The following SEM1 variants were observed in gnomAD, a reference collection of about 807,000 sequenced individuals.
The protein encoded by SEM1 is 26S proteasome complex subunit SEM1.
SEM1 carries 3 observed loss-of-function variants against 12.7 expected under a neutral mutation model. The ratio of observed to expected loss-of-function variants is 0.24; its 90% CI spans 0.11 to 0.61. The LOEUF (loss-of-function observed/expected upper bound fraction) is 0.61, where lower values mean the gene tolerates loss of function less well. Among genes scored for constraint, SEM1 ranks in the 20% least tolerant of loss-of-function variants. The pLI, the probability that SEM1 is intolerant of heterozygous loss-of-function variation, is 0.88. For missense variants in SEM1, 59 were observed against 81.3 expected, an observed-to-expected ratio of 0.73 and a Z score of 1.06; for synonymous variants, 30 against 27.8, an observed-to-expected ratio of 1.08 and a Z score of -0.25.
Position 96,650,380 on chromosome 7 carries a change from C to G in SEM1, c.171-27737G>C, listed in dbSNP as rs1165794990. On this transcript the variant is annotated intron_variant, in intron 2 of 2. Transcript: ENST00000417009. ...ACAGGATTTCATCTCTGAAAGGGAACAGGTTCCAGCCTCCTGGGCATGTTC... is the reference window on the plus strand; with the variant it reads ...ACAGGATTTCATCTCTGAAAGGGAAGAGGTTCCAGCCTCCTGGGCATGTTC... 6 of 617,852 alleles carry G rather than the reference C, an allele frequency of 9.7e-6. No individual in the cohort carries two copies. In the East Asian group the frequency reaches 1.7e-4, roughly 18 times the overall value. The allele number at this position is 617,852 out of a possible 1,614,324, so 38.3% of individuals were successfully genotyped here. A position where few individuals can be genotyped will look rare whatever the true frequency, so the allele number is the denominator to read the frequency against.
intron 1 of SEM1, among the ~76,000 whole-genome samples, chr7:96,709,318 C>T (rs1327420354): frequency 2.0e-5 from 3 of 152,128 alleles, no homozygotes; most frequent in Non-Finnish European, 4.4e-5. Context: ...GGTTTAAAGA[C>T]AAAGAAAGAC....
chr7:96,510,109 C>T (rs1274667405), intron 2 of SEM1, among the ~76,000 whole-genome samples: 1 of 152,116 alleles, frequency 6.6e-6, no homozygotes, highest in African/African-American at 2.4e-5. Context: ...TTATCAATCA[C>T]TTTAAATTCA....
chr7:96,622,582 A>C (rs757263557), exon 3 of SEM1: 1 of 764,412 alleles, frequency 1.3e-6, no homozygotes, highest in South Asian at 1.3e-5. Flanking sequence ...GATCAATGTG[A>C]AGCCTGACTC....
chr7:96,598,682 A>C, intron 2 of SEM1, among the ~76,000 whole-genome samples: 1 of 152,188 alleles, frequency 6.6e-6, no homozygotes, highest in Non-Finnish European at 1.5e-5. Context: ...TGGGCTTTCA[A>C]GTTCTAATTG....
At chr7:96,606,961 G>T (rs1034264831) in intron 2 of SEM1, among the ~76,000 whole-genome samples, 9 of 152,100 alleles carry the variant, frequency 5.9e-5, no homozygotes, top group African/African-American at 2.2e-4. Context: ...ATTCTAGCAG[G>T]CATTTTCTTT....
intron 2 of SEM1, among the ~76,000 whole-genome samples, chr7:96,592,593 T>C (rs1474526371): frequency 6.6e-6 from 1 of 151,478 alleles, no homozygotes; most frequent in African/African-American, 2.4e-5. Flanking sequence ...CTGTCTTCCG[T>C]TGGAGAACGG....
exon 4 of SEM1, chr7:96,483,059 G>C (rs1469996421): frequency 6.6e-6 from 1 of 152,124 alleles, no homozygotes; most frequent in African/African-American, 2.4e-5. Context: ...GCATGGCTTT[G>C]TCCATTTCCT....
intron 3 of SEM1, among the ~76,000 whole-genome samples, chr7:96,504,027 AGTT>A (rs541226033): frequency 4.6e-5 from 7 of 152,116 alleles, no homozygotes; most frequent in Non-Finnish European, 8.8e-5. Context: ...TGCAGGTAGT[AGTT>A]CTTAAAAGTT....
chr7:96,582,595 C>T (rs947890022), intron 2 of SEM1, among the ~76,000 whole-genome samples: 1 of 152,188 alleles, frequency 6.6e-6, no homozygotes, highest in Non-Finnish European at 1.5e-5. Flanking sequence ...GTGAATCTGT[C>T]TGGTCCTAGA....
intron 2 of SEM1, among the ~76,000 whole-genome samples, chr7:96,567,304 T>C (rs1382652031): frequency 1.3e-5 from 2 of 151,466 alleles, no homozygotes; most frequent in African/African-American, 4.8e-5. Context: ...CGTATTACAT[T>C]TTATCATTTT....
intron 2 of SEM1, among the ~76,000 whole-genome samples, chr7:96,674,324 T>C (rs952264953): frequency 1.3e-5 from 2 of 152,024 alleles, no homozygotes; most frequent in Non-Finnish European, 2.9e-5. Context: ...GCAGTGTTTA[T>C]ACATATATTT....
At chr7:96,556,546 CT>C (rs1308967031) in intron 2 of SEM1, among the ~76,000 whole-genome samples, 8 of 152,174 alleles carry the variant, frequency 5.3e-5, no homozygotes, top group African/African-American at 1.7e-4. Flanking sequence ...TCTAGGGTTT[CT>C]GCCGAGAAAT....
intron 1 of SEM1, among the ~76,000 whole-genome samples, chr7:96,495,849 G>C (rs1307142599): frequency 6.6e-6 from 1 of 152,108 alleles, no homozygotes; most frequent in Non-Finnish European, 1.5e-5. Flanking sequence ...GCACCAGGCA[G>C]AGGTTTCATT....
rs1200357373 is a variant in SEM1, at chr7:96,583,178, T to C, written c.171-76480A>G. Reference sequence around the variant, plus strand: ...GAGATTCTGGTATGTTGTGTCTTTGTTCTCGTTGGTTTCAAAGAACATCTT... The same window carrying C: ...GAGATTCTGGTATGTTGTGTCTTTGCTCTCGTTGGTTTCAAAGAACATCTT... On this transcript the variant is annotated intron_variant and NMD_transcript_variant, in intron 2 of 3. Coordinates refer to the SEM1 transcript ENST00000466986. 2.6e-5 allele frequency among the ~76,000 whole-genome samples: 4 copies of C among 150,996 alleles called. No individual in the cohort carries two copies. The East Asian group carries it at 7.7e-4, about 29-fold the overall frequency.
chr7:96,629,128 A>G (rs893913816), intron 2 of SEM1, among the ~76,000 whole-genome samples: 1 of 152,046 alleles, frequency 6.6e-6, no homozygotes, highest in Admixed American at 6.6e-5. Flanking sequence ...CAGTCTTTTG[A>G]GTTAAATCTG....
intron 2 of SEM1, among the ~76,000 whole-genome samples, chr7:96,558,585 G>A (rs1289361508): frequency 6.6e-6 from 1 of 152,170 alleles, no homozygotes; most frequent in African/African-American, 2.4e-5. Flanking sequence ...GTTTCTTAAA[G>A]AGCTGTCTAC....
chr7:96,605,742 A>G (rs1807332249), intron 2 of SEM1, among the ~76,000 whole-genome samples: 1 of 152,022 alleles, frequency 6.6e-6, no homozygotes, highest in Non-Finnish European at 1.5e-5. Flanking sequence ...GTAGTCCCCC[A>G]TTATCCGTGC....
Position 96,494,453 on chromosome 7 carries a change from GAGA to G in SEM1, c.12+1828_12+1830del, listed in dbSNP as rs1048379972. The stretch of plus-strand genomic sequence containing the variant: ...TAATAAAGAGATTTTTTTTTTCCTT[GAGA>G]AGGGCTTAGGAGGAACAGTTTCACA... On this transcript the variant is annotated intron_variant, in intron 1 of 3. Coordinates refer to the SEM1 transcript ENST00000356686. Among the ~76,000 whole-genome samples the G allele has an allele frequency of 1.1e-3, 173 of 150,874 alleles. 1 individual carries two copies. Among genetic ancestry groups the G allele is most frequent in the African/African-American group, 4.1e-3 (169 of 41,158 alleles).
At chr7:96,651,487 A>G (rs1808983714) in intron 2 of SEM1, among the ~76,000 whole-genome samples, 1 of 152,192 alleles carries the variant, frequency 6.6e-6, no homozygotes, top group Non-Finnish European at 1.5e-5. Context: ...CTCTATTCAT[A>G]GGTAAAAGGC....
Sources: gnomAD v4.1 joint callset for allele counts (sites outside exome capture counted in the v4.1 genomes callset) on GRCh38, gnomAD v4.1.1 for gene constraint, MANE v1.5 for transcripts, NCBI Gene and HGNC (gene_info 2026-07-23, HGNC 2026-07-21) for gene names.